Variants in CNTNAP5 observed in about 807,000 individuals in gnomAD.
CNTNAP5 encodes contactin associated protein family member 5.
Under a neutral mutation model 150.2 loss-of-function variants are expected in CNTNAP5, and 72 were observed. The ratio of observed to expected loss-of-function variants is 0.48; its 90% CI spans 0.40 to 0.58. CNTNAP5 has a LOEUF of 0.58. CNTNAP5 is among the 20% of genes least tolerant of loss of function. The pLI is 0.00. For missense variants in CNTNAP5, 1,636 were observed against 1,626.2 expected (o/e 1.01, Z -0.10); for synonymous variants, 672 against 619.8 (o/e 1.08, Z -1.25).
intron 11 of CNTNAP5, among the ~76,000 whole-genome samples, chr2:124,582,693 T>A (rs1696442357): frequency 6.6e-6 from 1 of 152,064 alleles, no homozygotes. Flanking sequence ...CCATGAAAGT[T>A]TTTTTTTCCT....
chr2:124,847,864 C>T (rs1434980183), intron 19 of CNTNAP5, among the ~76,000 whole-genome samples: 1 of 152,012 alleles, frequency 6.6e-6, no homozygotes, highest in Non-Finnish European at 1.5e-5. Context: ...TTAATGTTTA[C>T]TTTTGTCATA....
chr2:124,437,534 A>G (rs964884544), intron 5 of CNTNAP5, among the ~76,000 whole-genome samples: 2 of 152,258 alleles, frequency 1.3e-5, no homozygotes, highest in African/African-American at 2.4e-5. Context: ...CAGTTTTAGA[A>G]AACCGGAAAA....
chr2:124,837,271 G>A (rs564460905), intron 19 of CNTNAP5, among the ~76,000 whole-genome samples: 49 of 152,112 alleles, frequency 3.2e-4, no homozygotes, highest in Non-Finnish European at 6.3e-4. Flanking sequence ...ATACAGGGTA[G>A]GTGGGGCATG....
chr2:124,060,040 T>G (rs1483765901), intron 1 of CNTNAP5, among the ~76,000 whole-genome samples: 1 of 152,186 alleles, frequency 6.6e-6, no homozygotes, highest in Non-Finnish European at 1.5e-5. Context: ...GTAAGATGTT[T>G]TCTCTAGTTG....
At chr2:124,809,790 G>A (rs1052785137) in intron 19 of CNTNAP5, among the ~76,000 whole-genome samples, 16 of 152,170 alleles carry the variant, frequency 1.1e-4, no homozygotes, top group African/African-American at 3.6e-4. Context: ...TTTACAGAAA[G>A]AGAGAATAAA....
chr2:124,271,197 G>A (rs546785269), intron 3 of CNTNAP5, among the ~76,000 whole-genome samples: 1 of 152,200 alleles, frequency 6.6e-6, no homozygotes, highest in South Asian at 2.1e-4. Flanking sequence ...AGAAAAAAAT[G>A]TATGAATAGG....
At chr2:124,725,650 C>A (rs1680140965) in intron 13 of CNTNAP5, among the ~76,000 whole-genome samples, 2 of 152,032 alleles carry the variant, frequency 1.3e-5, no homozygotes, top group Admixed American at 1.3e-4. Context: ...TATCATGCCA[C>A]ATATTAGGTC....
At chr2:124,136,041 T>C (rs1683964659) in intron 1 of CNTNAP5, among the ~76,000 whole-genome samples, 1 of 152,236 alleles carries the variant, frequency 6.6e-6, no homozygotes, top group African/African-American at 2.4e-5. Flanking sequence ...AGTTGTGCCA[T>C]GCAGCTAATC....
chr2:124,770,221 G>A (rs1486493746), intron 16 of CNTNAP5, among the ~76,000 whole-genome samples: 2 of 152,154 alleles, frequency 1.3e-5, no homozygotes, highest in South Asian at 2.1e-4. Context: ...TGTATACAAG[G>A]CACAGTGCTA....
chr2:124,551,330 G>A (rs1246571038), intron 10 of CNTNAP5, among the ~76,000 whole-genome samples: 1 of 152,130 alleles, frequency 6.6e-6, no homozygotes. Context: ...CTTAATGTCT[G>A]CATCTGCTGT....
chr2:124,777,775 A>ATGTGTGTGTGTGTGTGTGTGTGTG, intron 17 of CNTNAP5, among the ~76,000 whole-genome samples: 1 of 130,690 alleles, frequency 7.7e-6, no homozygotes, highest in African/African-American at 2.8e-5. Context: ...GAATGGAGGG[A>ATGTGTGTGTGTGTGTGTGTGTGTG]TGTGTGTGTG....
chr2:124,911,624 G>A lies in CNTNAP5; in HGVS notation c.3727+86G>A. 3 of 1,077,624 alleles carry A rather than the reference G, an allele frequency of 2.8e-6. No homozygotes were observed. In the Admixed American group the frequency reaches 6.0e-5, roughly 22 times the overall value. The allele number at this position is 1,077,624 out of a possible 1,614,324, so 66.8% of individuals were successfully genotyped here. A position where few individuals can be genotyped will look rare whatever the true frequency, so the allele number is the denominator to read the frequency against. On this transcript the variant is annotated intron_variant, in intron 23 of 23. Transcript: ENST00000682447. ...GTTATCTGAAGCTTTCCTTAATTAT[G>A]GCCATCCAGCACTCAGAGCCCCCTA...
intron 10 of CNTNAP5, among the ~76,000 whole-genome samples, chr2:124,549,521 A>G (rs555146451): frequency 1.3e-5 from 2 of 152,272 alleles, no homozygotes; most frequent in East Asian, 3.9e-4. Flanking sequence ...ATCCAGGGGG[A>G]GGAGTGTCAA....
At chr2:124,668,627 T>G (rs546148577) in intron 13 of CNTNAP5, among the ~76,000 whole-genome samples, 1 of 152,336 alleles carries the variant, frequency 6.6e-6, no homozygotes, top group East Asian at 1.9e-4. Context: ...GTTTATGTGA[T>G]GCATGGATGG....
intron 11 of CNTNAP5, among the ~76,000 whole-genome samples, chr2:124,572,032 T>A (rs536526161): frequency 1.6e-4 from 24 of 152,290 alleles, no homozygotes; most frequent in Non-Finnish European, 2.6e-4. Context: ...AATTTGCTGA[T>A]CCAAGAGAAT....
intron 13 of CNTNAP5, among the ~76,000 whole-genome samples, chr2:124,722,755 G>C (rs1340118420): frequency 6.6e-6 from 1 of 152,164 alleles, no homozygotes; most frequent in Non-Finnish European, 1.5e-5. Flanking sequence ...GTGTCCTCCA[G>C]GACAGTGGCC....
chr2:124,486,822 G>A (rs1693891997), intron 7 of CNTNAP5, among the ~76,000 whole-genome samples: 1 of 151,982 alleles, frequency 6.6e-6, no homozygotes, highest in Admixed American at 6.6e-5. Context: ...TTTATTATAG[G>A]CCCATGTAAT....
intron 19 of CNTNAP5, among the ~76,000 whole-genome samples, chr2:124,860,322 T>C (rs1185618753): frequency 6.6e-6 from 1 of 151,644 alleles, no homozygotes; most frequent in Non-Finnish European, 1.5e-5. Flanking sequence ...TGCACTCCAG[T>C]CTGGGCGACA....
chr2:124,858,563 A>T (rs1677434649), intron 19 of CNTNAP5, among the ~76,000 whole-genome samples: 1 of 152,224 alleles, frequency 6.6e-6, no homozygotes, highest in Non-Finnish European at 1.5e-5. Flanking sequence ...ACAAACAAAT[A>T]GAAGAATATT....
Sources: gnomAD v4.1 joint callset for allele counts (sites outside exome capture counted in the v4.1 genomes callset) on GRCh38, gnomAD v4.1.1 for gene constraint, MANE v1.5 for transcripts, NCBI Gene and HGNC (gene_info 2026-07-23, HGNC 2026-07-21) for gene names.